The following MDN1 variants were observed in gnomAD, a reference collection of about 807,000 sequenced individuals.
MDN1 encodes the protein midasin AAA ATPase 1, also known as midasin.
A neutral mutation model predicts 669.2 loss-of-function variants in MDN1; 266 were observed. The ratio of observed to expected loss-of-function variants is 0.40; its 90% CI spans 0.36 to 0.44. The LOEUF is 0.44. Ranked by LOEUF, MDN1 falls within the 20% of genes least tolerant of loss-of-function variation. The probability of loss-of-function intolerance (pLI) is 1.00; values close to 1 mark genes in which losing one functional copy is unlikely to be tolerated. For missense variants in MDN1, 5,940 were observed against 6,754.0 expected, an observed-to-expected ratio of 0.88 and a Z score of 4.22; for synonymous variants, 2,385 against 2,457.1, an observed-to-expected ratio of 0.97 and a Z score of 0.87.
intron 1 of MDN1, chr6:89,814,848 C>A: frequency 2.1e-6 from 1 of 487,586 alleles, no homozygotes; most frequent in Non-Finnish European, 4.1e-6. Flanking sequence ...CCCCTAAGAG[C>A]CGTCAACCTC....
At chr6:89,721,837 A>G (rs1814844857) in intron 40 of MDN1, among the ~76,000 whole-genome samples, 1 of 152,254 alleles carries the variant, frequency 6.6e-6, no homozygotes, top group Non-Finnish European at 1.5e-5. Context: ...CAGAATGGGT[A>G]GCAGAATGAA....
chr6:89,699,942 C>G (rs1813028914), intron 57 of MDN1, 121 bp downstream of exon 57: 1 of 1,141,878 alleles, frequency 8.8e-7, no homozygotes, highest in Admixed American at 2.8e-5. Context: ...AGTGGCAAAT[C>G]ACTTCCCTCT....
intron 1 of MDN1, among the ~76,000 whole-genome samples, chr6:89,811,436 TC>T (rs1768407535): frequency 6.6e-6 from 1 of 152,032 alleles, no homozygotes; most frequent in Non-Finnish European, 1.5e-5. Flanking sequence ...AGGATTTACT[TC>T]TTTTTATTTT....
chr6:89,764,806 A>G (rs1817722615), intron 15 of MDN1, among the ~76,000 whole-genome samples: 1 of 152,208 alleles, frequency 6.6e-6, no homozygotes, highest in Non-Finnish European at 1.5e-5. Flanking sequence ...ATATCAGAGA[A>G]GTACCACTGT....
Position 89,819,602 on chromosome 6 carries a change from C to G in MDN1, c.6G>C (p.Glu2Asp). 6.2e-7 allele frequency: 1 copy of G among 1,601,170 alleles called. No individual in the cohort carries two copies. The highest frequency in any genetic ancestry group is 8.5e-7 in the Non-Finnish European group (1 of 1,179,858). ...CGGCTGCCACCTCCAGCAAGAAGTGCTCCATGACCCAGGGCCCTCACCCCG... is the reference window on the plus strand; with the variant it reads ...CGGCTGCCACCTCCAGCAAGAAGTGGTCCATGACCCAGGGCCCTCACCCCG... The part of the protein sequence containing the change: M[E>D]HFLLEVAAAP... The change falls in exon 1 of 102, where the codon GAG becomes GAC. Residue 2 changes from glutamate to aspartate, a missense_variant. By Grantham distance (45) the Glu-to-Asp change is conservative. This residue lies in a region of MDN1 where 1,203 missense variants were observed against 1,268.9 expected (regional missense o/e 0.95). Coordinates refer to ENST00000369393, the MANE Select transcript of MDN1 (RefSeq NM_014611.3).
At position 89,645,036 on chromosome 6, in the gene MDN1, T is replaced by C; in HGVS notation, c.16581A>G (p.Val5527=). The C allele has an allele frequency of 6.2e-7, 1 of 1,605,744 alleles. No individual in the cohort carries two copies. The highest frequency in any genetic ancestry group is 8.5e-7 in the Non-Finnish European group (1 of 1,172,944). ...RNANIFVIFV[V]LDNPSSRDSI... ...TCACCCGTGAACTGGGATTGTCCAA[T>C]ACAACAAAGATGACAAAGATATTTG... The change falls in exon 101 of 102, where the codon GTA becomes GTG. Residue 5527 remains valine (V), a synonymous_variant. Coordinates refer to ENST00000369393, the MANE Select transcript of MDN1 (RefSeq NM_014611.3).
intron 1 of MDN1, among the ~76,000 whole-genome samples, chr6:89,814,405 G>A (rs1768668418): frequency 2.2e-5 from 3 of 135,626 alleles, no homozygotes; most frequent in South Asian, 4.7e-4. Flanking sequence ...TTTTTTGGTA[G>A]AGACAGAGTC....
chr6:89,733,746 G>A (rs1815753206), intron 33 of MDN1, among the ~76,000 whole-genome samples: 1 of 98,420 alleles, frequency 1.0e-5, no homozygotes, highest in Admixed American at 9.8e-5. Context: ...GTAAATACTA[G>A]TACTTAGATC....
intron 72 of MDN1, 26 bp downstream of exon 72, chr6:89,683,805 G>A (rs371032264): frequency 8.2e-5 from 129 of 1,579,340 alleles, no homozygotes; most frequent in South Asian, 1.1e-4. Flanking sequence ...TATTTTGGTT[G>A]TCTCCAGTTT....
Position 89,643,422 on chromosome 6 carries a change from T to A in MDN1, c.*583A>T, listed in dbSNP as rs1482067695. The A allele has an allele frequency of 6.6e-6, 1 of 152,184 alleles. No individual in the cohort carries two copies. The highest frequency in any genetic ancestry group is 1.5e-5 in the Non-Finnish European group (1 of 68,042). The allele number at this position is 152,184 out of a possible 1,614,324, so 9.4% of individuals were successfully genotyped here. A position where few individuals can be genotyped will look rare whatever the true frequency, so the allele number is the denominator to read the frequency against. On this transcript the variant is annotated 3_prime_UTR_variant, in exon 102 of 102. Transcript: ENST00000369393. Reference sequence around the variant, plus strand: ...TGACCTGGGCACCTATAATGTCCAGTTGCTTTATGAGAACACACACACACC... The same window carrying A: ...TGACCTGGGCACCTATAATGTCCAGATGCTTTATGAGAACACACACACACC...
At chr6:89,697,149 A>G (rs1255997546) in intron 59 of MDN1, among the ~76,000 whole-genome samples, 1 of 152,224 alleles carries the variant, frequency 6.6e-6, no homozygotes, top group Non-Finnish European at 1.5e-5. Flanking sequence ...GTTCAGGTAA[A>G]TCCAAAAACA....
Position 89,692,854 on chromosome 6 carries a change from G to A in MDN1, c.10176C>T (p.Phe3392=), listed in dbSNP as rs1005834444. The A allele has an allele frequency of 1.2e-6, 2 of 1,614,236 alleles. No individual in the cohort carries two copies. Among genetic ancestry groups the A allele is most frequent in the Non-Finnish European group, 1.7e-6 (2 of 1,180,040 alleles). Residue 3392 remains phenylalanine, a synonymous_variant, in exon 63 of 102, where the codon TTC becomes TTT. Transcript: ENST00000369393. ...FRKRLSEEYT[F]YPDAVSPLQA... ...GCAGTGGGCTCACGGCATCTGGATA[G>A]AAGGTGTACTCCTCTGACAGCCGCT...
intron 8 of MDN1, 113 bp downstream of exon 8, chr6:89,787,741 C>T: frequency 1.4e-6 from 1 of 692,884 alleles, no homozygotes; most frequent in Non-Finnish European, 2.4e-6. Flanking sequence ...TCACTTCCAA[C>T]TAACCTTGCT....
At chr6:89,779,999 G>A (rs1012746688) in intron 11 of MDN1, among the ~76,000 whole-genome samples, 1 of 151,822 alleles carries the variant, frequency 6.6e-6, no homozygotes, top group Non-Finnish European at 1.5e-5. Context: ...CCAGAAGGTG[G>A]AGGCTGCAGT....
At position 89,692,442 on chromosome 6, in the gene MDN1, C is replaced by A; in HGVS notation, c.10587+1G>T. 6.2e-7 allele frequency: 1 copy of A among 1,603,890 alleles called. No homozygotes were observed. On this transcript the variant is annotated splice_donor_variant, in intron 63 of 101. Transcript: ENST00000369393. LOFTEE classifies it high-confidence loss of function. Reference sequence around the variant, plus strand: ...GGGCAGGCCTCCCAGAGATGGCTCACCTGACACACATGTCTGAAGAGCTGC... The same window carrying A: ...GGGCAGGCCTCCCAGAGATGGCTCAACTGACACACATGTCTGAAGAGCTGC...
rs60168431 is a variant in MDN1 at position 89,704,013 on chromosome 6, CAA to C, written c.8149-1954_8149-1953del. Among the ~76,000 whole-genome samples the C allele has an allele frequency of 3.8e-3, 390 of 103,972 alleles. 1 individual carries two copies. The highest frequency in any genetic ancestry group is 9.9e-3 in the Middle Eastern group (2 of 202). The allele number at this position is 103,972 out of a possible 152,430, so 68.2% of individuals were successfully genotyped here. On this transcript the variant is annotated intron_variant, in intron 53 of 101. Transcript: ENST00000369393. ...GGGCAACAAGAGAGAAACTCCGTCT[CAA>C]AAAAAAAAAAAAAAAAAATTGAGGA...
chr6:89,803,048 C>T (rs1238410444), intron 2 of MDN1, among the ~76,000 whole-genome samples: 1 of 152,146 alleles, frequency 6.6e-6, no homozygotes, highest in Admixed American at 6.6e-5. Flanking sequence ...ATATGCATGT[C>T]TTGCCACATG....
At chr6:89,780,140 G>T in intron 11 of MDN1, 72 bp downstream of exon 11, 2 of 819,322 alleles carry the variant, frequency 2.4e-6, no homozygotes, top group Non-Finnish European at 3.8e-6. Context: ...GCAATCAAAA[G>T]ACAGAAAATA....
intron 100 of MDN1, among the ~76,000 whole-genome samples, chr6:89,645,533 G>C (rs1808439879): frequency 6.6e-6 from 1 of 152,152 alleles, no homozygotes; most frequent in Non-Finnish European, 1.5e-5. Context: ...ACTGAGAAGG[G>C]CATTAGAAGA....
Sources: allele counts gnomAD v4.1 joint callset (sites outside exome capture counted in the v4.1 genomes callset), GRCh38; gene constraint gnomAD v4.1.1; regional missense constraint gnomAD v4.1.1; transcripts MANE v1.5; gene names NCBI Gene and HGNC (gene_info 2026-07-23, HGNC 2026-07-21).